ABITRAM: variants seen among roughly 807,000 people sequenced by gnomAD.
ABITRAM encodes actin binding transcription modulator.
In ABITRAM, 19 loss-of-function variants were observed where a neutral mutation model predicts 22.9. The observed-to-expected ratio is 0.83, with a 90% CI of 0.58 to 1.22. The LOEUF (loss-of-function observed/expected upper bound fraction) is 1.22. Among genes scored for constraint, ABITRAM ranks in the 50% most tolerant of loss-of-function variants. ABITRAM has a pLI of 0.00. For synonymous variants in ABITRAM, 70 were observed against 73.9 expected, an observed-to-expected ratio of 0.95 and a Z score of 0.27; for missense variants, 215 against 220.2, an observed-to-expected ratio of 0.98 and a Z score of 0.15.
chr9:108,936,214 C>G, intron 2 of ABITRAM, 94 bp from the exon 3 acceptor site: 1 of 1,412,854 alleles, frequency 7.1e-7, no homozygotes, highest in Middle Eastern at 2.6e-4. Context: ...TTTGACTAAA[C>G]AAATACCAGT....
chr9:108,936,742 C>T (rs1830193259), intron 3 of ABITRAM, among the ~76,000 whole-genome samples: 1 of 151,986 alleles, frequency 6.6e-6, no homozygotes, highest in South Asian at 2.1e-4. Context: ...GATATTTTGT[C>T]CCTTCTAGTT....
intron 3 of ABITRAM, among the ~76,000 whole-genome samples, chr9:108,946,245 G>A (rs1830400620): frequency 6.7e-6 from 1 of 150,034 alleles, no homozygotes; most frequent in African/African-American, 2.4e-5. Context: ...GCTGTAGTGA[G>A]CCGAGATCGT....
Position 108,934,607 on chromosome 9 carries a change from C to T in ABITRAM, c.79+42C>T, listed in dbSNP as rs923211005. On this transcript the variant is annotated intron_variant, in intron 1 of 5. Transcript: ENST00000322940. ...GTTGATCCCTCCTTGGCCGCACTGG[C>T]CTAATGCTGTGTAGACTATGTTGAC... 8 of 1,547,946 alleles carry T rather than the reference C, an allele frequency of 5.2e-6. No individual in the cohort carries two copies. The African/African-American group carries it at 5.6e-5, about 11-fold the overall frequency.
intron 3 of ABITRAM, among the ~76,000 whole-genome samples, chr9:108,949,863 G>C (rs116772702): frequency 0.02 from 2,973 of 149,446 alleles, 36 homozygotes; most frequent in Non-Finnish European, 0.025. Flanking sequence ...AAAAAATAAA[G>C]AAATACAAAA....
downstream of ABITRAM, chr9:108,942,643 G>C: frequency 1.4e-6 from 1 of 691,834 alleles, no homozygotes; most frequent in East Asian, 2.7e-5. Flanking sequence ...TCAGAAAATA[G>C]AGCAAAATTT....
downstream of ABITRAM, among the ~76,000 whole-genome samples, chr9:108,944,251 C>T (rs1043943201): frequency 1.3e-5 from 2 of 152,202 alleles, no homozygotes; most frequent in South Asian, 4.1e-4. Flanking sequence ...GGCTTCTCTA[C>T]ACCAGACCTC....
At chr9:108,943,027 C>T (rs374542453), downstream of ABITRAM, 8 of 1,611,606 alleles carry the variant, frequency 5.0e-6, no homozygotes, top group East Asian at 4.5e-5. Context: ...ATCTTGTCTT[C>T]GTAATACACT....
At position 108,934,555 on chromosome 9, in the gene ABITRAM, G is replaced by A. The variant is rs370627190; in HGVS notation, c.69G>A (p.Trp23Ter). Residue 23 changes from tryptophan (W) to a stop codon, truncating the protein, a stop_gained, in exon 1 of 6, where the codon TGG becomes TGA. Coordinates refer to ENST00000322940, the MANE Select transcript of ABITRAM (RefSeq NM_017832.4). LOFTEE classifies it high-confidence loss of function. ...TCGTGGATCGATACTTCACTCGCTG[G>A]TACAAACCGGGTAAGTGCGGAGTGA... is the stretch of plus-strand genomic sequence containing the variant. ...PSLVDRYFTR[W>*]YKPDVKGKFC... The A allele has an allele frequency of 3.7e-6, 6 of 1,604,976 alleles. No homozygotes were observed. The East Asian group carries it at 1.1e-4, about 30-fold the overall frequency.
At chr9:108,943,618 T>G, downstream of ABITRAM, 1 of 1,111,298 alleles carries the variant, frequency 9.0e-7, no homozygotes, top group Non-Finnish European at 1.3e-6. Context: ...TGCCCTTCTG[T>G]GGGTACTAAC....
chr9:108,938,994 C>G (rs1830223149), intron 3 of ABITRAM, among the ~76,000 whole-genome samples: 1 of 152,100 alleles, frequency 6.6e-6, no homozygotes, highest in Admixed American at 6.5e-5. Flanking sequence ...GCTTTTTTCC[C>G]TAGACCTAGG....
downstream of ABITRAM, chr9:108,944,002 C>A (rs867477994): frequency 3.7e-6 from 6 of 1,613,580 alleles, no homozygotes; most frequent in African/African-American, 1.3e-5. Context: ...AAGCTTTAAA[C>A]CCTCTGCAGC....
At chr9:108,944,592 G>C (rs1302731948), downstream of ABITRAM, among the ~76,000 whole-genome samples, 1 of 152,142 alleles carries the variant, frequency 6.6e-6, no homozygotes, top group Non-Finnish European at 1.5e-5. Flanking sequence ...TGGAGAAGTA[G>C]AGTGAAAAAG....
chr9:108,939,547 A>T lies in ABITRAM; in HGVS notation c.409-2A>T, dbSNP rs1260178921. On this transcript the variant is annotated splice_acceptor_variant, in intron 5 of 5. Transcript: ENST00000322940. LOFTEE classifies it high-confidence loss of function. ...CAGTACTAAATGTTCTTTCCTTTCC[A>T]GCCATCTACTGAAGGCTACATTGCA... The T allele has an allele frequency of 6.2e-7, 1 of 1,613,362 alleles. No individual in the cohort carries two copies. The highest frequency in any genetic ancestry group is 8.5e-7 in the Non-Finnish European group (1 of 1,179,830).
At position 108,934,507 on chromosome 9, in the gene ABITRAM, C is replaced by T. The variant is rs766891262; in HGVS notation, c.21C>T (p.Ala7=). 20 of 1,605,324 alleles carry T rather than the reference C, an allele frequency of 1.2e-5. No individual in the cohort carries two copies. Among genetic ancestry groups the T allele is most frequent in the Non-Finnish European group, 1.5e-5 (18 of 1,177,072 alleles). ...TCGCCATGGCTACCGAGCCCGAAGC[C>T]GCGGAGCCGGTGGTGCCTTCGCTCG... The part of the protein sequence containing the change: MATEPE[A]AEPVVPSLVD... The change falls in exon 1 of 6, where the codon GCC becomes GCT. Residue 7 remains alanine (A), a synonymous_variant. Transcript: ENST00000322940.
chr9:108,943,102 C>T, downstream of ABITRAM: 2 of 1,435,334 alleles, frequency 1.4e-6, no homozygotes, highest in South Asian at 1.3e-5. Flanking sequence ...AAAGACCTTA[C>T]CATTTATTTA....
downstream of ABITRAM, chr9:108,942,704 C>A: frequency 9.7e-7 from 1 of 1,035,178 alleles, no homozygotes; most frequent in South Asian, 1.4e-5. Context: ...GATAAAGGAT[C>A]ATTTGATTTT....
Position 108,939,456 on chromosome 9 carries a change from TAAAAG to T in ABITRAM, c.408+4_408+8del, listed in dbSNP as rs1216563759. ...AAGCCATCTATTCTTCAAGAAAAGG[TAAAAG>T]AGAGAGAAAAAATATGATCTCATCC... On this transcript the variant is annotated splice_donor_5th_base_variant and intron_variant, in intron 5 of 5. Transcript: ENST00000322940. 1 of 1,607,420 alleles carries T rather than the reference TAAAAG, an allele frequency of 6.2e-7. No individual in the cohort carries two copies. Among genetic ancestry groups the T allele is most frequent in the South Asian group, 1.1e-5 (1 of 89,054 alleles).
Position 108,939,787 on chromosome 9 carries a change from C to T in ABITRAM, c.*101C>T, listed in dbSNP as rs143613903. 29,331 of 1,391,752 alleles carry T rather than the reference C, an allele frequency of 0.021. 394 individuals carry two copies. The highest frequency in any genetic ancestry group is 0.025 in the Non-Finnish European group (25,474 of 1,019,358). The allele number at this position is 1,391,752 out of a possible 1,614,324, so 86.2% of individuals were successfully genotyped here. On this transcript the variant is annotated 3_prime_UTR_variant, in exon 6 of 6. Coordinates refer to ENST00000322940, the MANE Select transcript of ABITRAM (RefSeq NM_017832.4). ...ACCAGTATATGTAAAGCATACCTAA[C>T]AGCCAGCCATATGCAGGGGAGGCCT... is the stretch of plus-strand genomic sequence containing the variant.
Position 108,936,291 on chromosome 9 carries a change from A to G in ABITRAM, c.132-17A>G, listed in dbSNP as rs962359332. ...TATTCCAAGCAATCACACAGGATCA[A>G]CTTTTTCTCCTTGTAGAATATGTGT... is the stretch of plus-strand genomic sequence containing the variant. On this transcript the variant is annotated splice_polypyrimidine_tract_variant and intron_variant, in intron 2 of 5. Coordinates refer to ENST00000322940, the MANE Select transcript of ABITRAM (RefSeq NM_017832.4). 6.2e-7 allele frequency: 1 copy of G among 1,610,352 alleles called. No homozygotes were observed. Among genetic ancestry groups the G allele is most frequent in the Non-Finnish European group, 8.5e-7 (1 of 1,178,650 alleles).
Sources: allele counts gnomAD v4.1 joint callset (sites outside exome capture counted in the v4.1 genomes callset), GRCh38; gene constraint gnomAD v4.1.1; transcripts MANE v1.5; gene names NCBI Gene and HGNC (gene_info 2026-07-23, HGNC 2026-07-21).